GRM7: variants seen among roughly 807,000 people sequenced by gnomAD.
GRM7 encodes metabotropic glutamate receptor 7.
Under a neutral mutation model 84.5 loss-of-function variants are expected in GRM7, and 35 were observed. The observed-to-expected ratio is 0.41, with a 90% CI of 0.32 to 0.55. The LOEUF is 0.55. GRM7 is among the 20% of genes least tolerant of loss of function. The pLI is 0.19. For missense variants in GRM7, 1,003 were observed against 1,194.6 expected (o/e 0.84, Z 2.36); for synonymous variants, 487 against 455.1 (o/e 1.07, Z -0.89).
At chr3:6,895,958 A>G (rs1357500763) in intron 1 of GRM7, among the ~76,000 whole-genome samples, 1 of 152,142 alleles carries the variant, frequency 6.6e-6, no homozygotes, top group Non-Finnish European at 1.5e-5. Flanking sequence ...TATGTAGTTC[A>G]TCATGTCAGC....
chr3:7,365,602 T>C (rs1463694867), intron 4 of GRM7, among the ~76,000 whole-genome samples: 1 of 148,862 alleles, frequency 6.7e-6, no homozygotes, highest in African/African-American at 2.4e-5. Context: ...TCTTTCATGG[T>C]CCATACAGTA....
rs1017330078 is a variant in GRM7, at chr3:7,721,513, A to G, written c.2699-18844A>G. Among the ~76,000 whole-genome samples, 3 of 152,244 alleles carry G rather than the reference A, an allele frequency of 2.0e-5. 1 individual carries two copies. The highest frequency in any genetic ancestry group is 4.4e-5 in the Non-Finnish European group (3 of 68,050). The stretch of plus-strand genomic sequence containing the variant: ...TAGTTCTCCCAGTCTTCACTTGATC[A>G]GTGCAGACATAGATCAATTCTTCAC... On this transcript the variant is annotated intron_variant, in intron 9 of 9. Transcript: ENST00000357716.
intron 4 of GRM7, among the ~76,000 whole-genome samples, chr3:7,363,278 T>A (rs1693747686): frequency 6.6e-6 from 1 of 152,098 alleles, no homozygotes; most frequent in Admixed American, 6.6e-5. Context: ...GGTTGCTATG[T>A]TGCTTTAAGA....
chr3:6,974,246 G>C (rs1002509586), intron 1 of GRM7, among the ~76,000 whole-genome samples: 4 of 152,120 alleles, frequency 2.6e-5, no homozygotes, highest in Admixed American at 1.3e-4. Context: ...GGCCAGTGGG[G>C]GTAGCAACTG....
chr3:7,512,880 C>G (rs977603907), intron 7 of GRM7, among the ~76,000 whole-genome samples: 2 of 151,960 alleles, frequency 1.3e-5, no homozygotes, highest in African/African-American at 4.8e-5. Flanking sequence ...GTGTCTTTCC[C>G]CTGCCCAGAC....
At chr3:7,404,152 G>A (rs577751828) in intron 4 of GRM7, among the ~76,000 whole-genome samples, 18 of 152,006 alleles carry the variant, frequency 1.2e-4, no homozygotes, top group Non-Finnish European at 2.5e-4. Flanking sequence ...GTAAACATAA[G>A]TATTCTGCAT....
At chr3:7,619,561 C>T (rs1272709326) in intron 8 of GRM7, among the ~76,000 whole-genome samples, 1 of 152,046 alleles carries the variant, frequency 6.6e-6, no homozygotes, top group African/African-American at 2.4e-5. Context: ...GAGGTGACTT[C>T]AAAAGCTGTA....
At chr3:7,405,599 A>C (rs1695640622) in intron 4 of GRM7, among the ~76,000 whole-genome samples, 1 of 152,164 alleles carries the variant, frequency 6.6e-6, no homozygotes, top group African/African-American at 2.4e-5. Context: ...TACATTTGTA[A>C]AAATTAGGTG....
At position 7,446,712 on chromosome 3, in the gene GRM7, G is replaced by A. The variant is rs150681248; in HGVS notation, c.1175-5895G>A. On this transcript the variant is annotated intron_variant, in intron 5 of 9. Transcript: ENST00000357716. Reference sequence around the variant, plus strand: ...TGACCTCAGGTGATCTGCCCACTTCGGCCTCCCAAAGTGCTGGGATTACTG... The same window carrying A: ...TGACCTCAGGTGATCTGCCCACTTCAGCCTCCCAAAGTGCTGGGATTACTG... 2.1e-4 allele frequency among the ~76,000 whole-genome samples: 32 copies of A among 152,018 alleles called. No homozygotes were observed. The East Asian group carries it at 5.6e-3, about 27-fold the overall frequency.
rs74600067 is a variant in GRM7 at position 7,125,675 on chromosome 3, C to T, written c.520-20777C>T. On this transcript the variant is annotated intron_variant, in intron 1 of 9. Transcript: ENST00000357716. ...TGTTGGGCTACATTCCATATTGTGA[C>T]GTGACAGCTTTTCATCAGCTTTAGA... is the stretch of plus-strand genomic sequence containing the variant. Among the ~76,000 whole-genome samples the T allele has an allele frequency of 9.9e-3, 1,502 of 152,272 alleles. 25 individuals are homozygous for T. The highest frequency in any genetic ancestry group is 0.034 in the African/African-American group (1,402 of 41,546).
intron 2 of GRM7, among the ~76,000 whole-genome samples, chr3:7,237,922 A>G (rs1350301719): frequency 2.0e-5 from 3 of 151,932 alleles, no homozygotes; most frequent in Non-Finnish European, 4.4e-5. Context: ...TTTACAGAGT[A>G]CTGATTGGTG....
chr3:7,419,543 T>C (rs1360187534), intron 5 of GRM7, among the ~76,000 whole-genome samples: 1 of 152,152 alleles, frequency 6.6e-6, no homozygotes, highest in Non-Finnish European at 1.5e-5. Context: ...TAGCATCAAA[T>C]ATCTTAGCTC....
At chr3:7,692,855 C>T (rs553261146) in intron 9 of GRM7, among the ~76,000 whole-genome samples, 1 of 152,190 alleles carries the variant, frequency 6.6e-6, no homozygotes, top group African/African-American at 2.4e-5. Flanking sequence ...TTCTTCTTCT[C>T]GTAAGTTGAT....
At chr3:7,128,508 GTTTTTTTT>G (rs1337942490) in intron 1 of GRM7, among the ~76,000 whole-genome samples, 1 of 74,942 alleles carries the variant, frequency 1.3e-5, no homozygotes, top group South Asian at 4.0e-4. Flanking sequence ...AGACTTCCTT[GTTTTTTTT>G]TTTTTTTTTG....
chr3:7,581,410 T>C (rs1695244217), intron 8 of GRM7, among the ~76,000 whole-genome samples: 2 of 152,130 alleles, frequency 1.3e-5, no homozygotes, highest in African/African-American at 4.8e-5. Flanking sequence ...ACGTGGTTGA[T>C]TGACACAATT....
chr3:7,229,759 A>ATATATATATT (rs1434216248), intron 2 of GRM7, among the ~76,000 whole-genome samples: 3 of 30,430 alleles, frequency 9.9e-5, no homozygotes, highest in African/African-American at 3.8e-4. Context: ...ATATATATAT[A>ATATATATATT]TTTTTTTTTT....
At chr3:7,092,345 T>A (rs778255712) in intron 1 of GRM7, among the ~76,000 whole-genome samples, 10 of 151,492 alleles carry the variant, frequency 6.6e-5, no homozygotes, top group Non-Finnish European at 1.5e-4. Flanking sequence ...TTATCCATTA[T>A]GTTAAGAGCA....
At chr3:7,099,195 TAC>T (rs1233877905) in intron 1 of GRM7, among the ~76,000 whole-genome samples, 31 of 149,800 alleles carry the variant, frequency 2.1e-4, no homozygotes, top group Non-Finnish European at 2.1e-4. Flanking sequence ...TATATATATA[TAC>T]GTATTATTAT....
intron 4 of GRM7, among the ~76,000 whole-genome samples, chr3:7,329,516 T>C (rs979384642): frequency 2.0e-5 from 3 of 152,076 alleles, no homozygotes; most frequent in Non-Finnish European, 4.4e-5. Context: ...CTTTGAGGAG[T>C]TGAGACTCAG....
Sources: allele counts gnomAD v4.1 joint callset (sites outside exome capture counted in the v4.1 genomes callset), GRCh38; gene constraint gnomAD v4.1.1; transcripts MANE v1.5; gene names NCBI Gene and HGNC (gene_info 2026-07-23, HGNC 2026-07-21).